The following RALGAPA2 variants were observed in gnomAD, a reference collection of about 807,000 sequenced individuals.
RALGAPA2 encodes the protein Ral GTPase activating protein catalytic subunit alpha 2.
In RALGAPA2, 139 loss-of-function variants were observed where a neutral mutation model predicts 230.4. The observed-to-expected ratio is 0.60, with a 90% CI of 0.53 to 0.69. The LOEUF (loss-of-function observed/expected upper bound fraction) is 0.69. Among genes scored for constraint, RALGAPA2 ranks in the 30% least tolerant of loss-of-function variants. The pLI is 0.00. For synonymous variants in RALGAPA2, 847 were observed against 837.8 expected, an observed-to-expected ratio of 1.01 and a Z score of -0.19; for missense variants, 2,163 against 2,276.0, an observed-to-expected ratio of 0.95 and a Z score of 1.01.
chr20:20,541,804 C>A (rs963769318), intron 24 of RALGAPA2, among the ~76,000 whole-genome samples: 1 of 152,170 alleles, frequency 6.6e-6, no homozygotes, highest in Non-Finnish European at 1.5e-5. Context: ...GCCCACCTAG[C>A]CACACTGACA....
intron 37 of RALGAPA2, among the ~76,000 whole-genome samples, chr20:20,455,011 A>G (rs1197540345): frequency 6.6e-6 from 1 of 152,260 alleles, no homozygotes; most frequent in Non-Finnish European, 1.5e-5. Flanking sequence ...TAATTCACAC[A>G]TGCATACACA....
chr20:20,580,441 A>T (rs2064950532), intron 20 of RALGAPA2, among the ~76,000 whole-genome samples: 2 of 152,148 alleles, frequency 1.3e-5, no homozygotes, highest in African/African-American at 4.8e-5. Context: ...CTGCCCTGTC[A>T]TCCTAGGACT....
chr20:20,649,839 C>T (rs975102732), intron 4 of RALGAPA2, among the ~76,000 whole-genome samples: 7 of 152,136 alleles, frequency 4.6e-5, no homozygotes, highest in Non-Finnish European at 8.8e-5. Flanking sequence ...TGGTTTGCTG[C>T]CAGTGCGATT....
chr20:20,524,439 C>T lies in RALGAPA2; in HGVS notation c.3867G>A (p.Ser1289=), dbSNP rs759254487. The T allele has an allele frequency of 3.3e-5, 54 of 1,613,680 alleles. No homozygotes were observed. The highest frequency in any genetic ancestry group is 4.2e-5 in the Non-Finnish European group (50 of 1,179,822). The change falls in exon 30 of 40, where the codon TCG becomes TCA. Residue 1289 remains serine, a synonymous_variant. Coordinates refer to ENST00000202677, the MANE Select transcript of RALGAPA2 (RefSeq NM_020343.4). ...TATAATCCAGCAAGGGGGCTCTGGCCGAATGCTGCTCCTCTAGGACTGCTG... is the reference window on the plus strand; with the variant it reads ...TATAATCCAGCAAGGGGGCTCTGGCTGAATGCTGCTCCTCTAGGACTGCTG... ...VSTAVLEEQH[S]ARAPLLDYIY...
At chr20:20,547,261 A>G (rs1296369338) in intron 23 of RALGAPA2, among the ~76,000 whole-genome samples, 1 of 152,270 alleles carries the variant, frequency 6.6e-6, no homozygotes, top group Admixed American at 6.5e-5. Context: ...AGGCAAAGAC[A>G]TGGAAAATTT....
At chr20:20,641,178 T>C (rs1430097704) in intron 5 of RALGAPA2, among the ~76,000 whole-genome samples, 2 of 152,268 alleles carry the variant, frequency 1.3e-5, no homozygotes, top group East Asian at 3.9e-4. Flanking sequence ...AAAATAAGGA[T>C]GATAAGACAT....
intron 23 of RALGAPA2, among the ~76,000 whole-genome samples, chr20:20,555,768 A>G (rs957406324): frequency 6.6e-6 from 1 of 152,172 alleles, no homozygotes; most frequent in African/African-American, 2.4e-5. Context: ...GCAATCTTAC[A>G]TAATTTATTA....
chr20:20,569,131 GA>G (rs368392246), intron 23 of RALGAPA2, among the ~76,000 whole-genome samples: 15 of 152,030 alleles, frequency 9.9e-5, no homozygotes, highest in African/African-American at 3.4e-4. Context: ...CATAAGTTCT[GA>G]AACAACCACT....
At chr20:20,619,856 G>A (rs1188093297) in intron 11 of RALGAPA2, among the ~76,000 whole-genome samples, 1 of 152,204 alleles carries the variant, frequency 6.6e-6, no homozygotes, top group African/African-American at 2.4e-5. Flanking sequence ...ATAATAGTAT[G>A]ACAGAAATAT....
At chr20:20,515,853 G>C (rs556398431) in intron 31 of RALGAPA2, among the ~76,000 whole-genome samples, 80 of 151,978 alleles carry the variant, frequency 5.3e-4, no homozygotes, top group Non-Finnish European at 1.0e-3. Context: ...GTGGGGCGGG[G>C]GGGGCAGGGA....
At position 20,512,862 on chromosome 20, in the gene RALGAPA2, T is replaced by C. The variant is rs2062753950; in HGVS notation, c.4507A>G (p.Thr1503Ala). The C allele has an allele frequency of 1.9e-6, 3 of 1,613,592 alleles. No individual in the cohort carries two copies. Among genetic ancestry groups the C allele is most frequent in the Admixed American group, 1.7e-5 (1 of 60,006 alleles). ...SFLISSWHRD[T>A]FGPQKDSSQV... Reference sequence around the variant, plus strand: ...GAAGAGTCTTTCTGAGGTCCAAATGTGTCACGATGCCAGCTCGAAATCAGA... The same window carrying C: ...GAAGAGTCTTTCTGAGGTCCAAATGCGTCACGATGCCAGCTCGAAATCAGA... The change falls in exon 32 of 40, where the codon ACA becomes GCA. Residue 1503 changes from threonine to alanine, a missense_variant. By Grantham distance (58) the Thr-to-Ala change is moderately conservative (BLOSUM62 0). Transcript: ENST00000202677.
At chr20:20,525,356 CA>C (rs1338788410) in intron 28 of RALGAPA2, among the ~76,000 whole-genome samples, 19 of 152,166 alleles carry the variant, frequency 1.2e-4, no homozygotes, top group African/African-American at 4.3e-4. Flanking sequence ...ATCATCACCC[CA>C]AAACCCTACT....
At chr20:20,395,811 C>T (rs1350158496) in intron 39 of RALGAPA2, among the ~76,000 whole-genome samples, 1 of 152,202 alleles carries the variant, frequency 6.6e-6, no homozygotes, top group Non-Finnish European at 1.5e-5. Context: ...CAAATCTGGA[C>T]CCTAACATCC....
chr20:20,563,314 T>C (rs2064311958), intron 23 of RALGAPA2, among the ~76,000 whole-genome samples: 1 of 152,366 alleles, frequency 6.6e-6, no homozygotes, highest in African/African-American at 2.4e-5. Flanking sequence ...TGTTTTTAAG[T>C]GCTACATTAC....
intron 37 of RALGAPA2, among the ~76,000 whole-genome samples, chr20:20,412,567 G>A (rs1165161235): frequency 2.6e-5 from 4 of 152,176 alleles, no homozygotes; most frequent in Non-Finnish European, 4.4e-5. Flanking sequence ...GCAACTTGGT[G>A]ATACGACAGT....
intron 38 of RALGAPA2, among the ~76,000 whole-genome samples, chr20:20,404,723 T>C (rs933542531): frequency 2.4e-4 from 37 of 152,160 alleles, no homozygotes; most frequent in Non-Finnish European, 1.5e-5. Flanking sequence ...TGCTAAAGCG[T>C]CCCCTGAGCT....
intron 37 of RALGAPA2, among the ~76,000 whole-genome samples, chr20:20,444,340 C>T (rs1243644721): frequency 1.3e-5 from 2 of 152,194 alleles, no homozygotes; most frequent in East Asian, 3.8e-4. Flanking sequence ...TCTGCAAAGG[C>T]ACGCTGTGTG....
At chr20:20,585,265 G>A (rs79054616) in intron 18 of RALGAPA2, among the ~76,000 whole-genome samples, 2,519 of 152,198 alleles carry the variant, frequency 0.017, 95 homozygotes, top group East Asian at 0.14. Flanking sequence ...CTTCTGGTCA[G>A]GCACACATAT....
chr20:20,546,131 T>C (rs890420229), intron 24 of RALGAPA2, among the ~76,000 whole-genome samples: 1 of 152,186 alleles, frequency 6.6e-6, no homozygotes, highest in African/African-American at 2.4e-5. Flanking sequence ...TAGAGGTAAA[T>C]GTAGAGAGTA....
Sources: allele counts gnomAD v4.1 joint callset (sites outside exome capture counted in the v4.1 genomes callset), GRCh38; gene constraint gnomAD v4.1.1; transcripts MANE v1.5; gene names NCBI Gene and HGNC (gene_info 2026-07-23, HGNC 2026-07-21).